USP8: variants seen among roughly 807,000 people sequenced by gnomAD.
The protein encoded by USP8 is ubiquitin specific peptidase 8.
Under a neutral mutation model 130.0 loss-of-function variants are expected in USP8, and 27 were observed. That is an observed-to-expected ratio of 0.21 (90% CI 0.15 to 0.29). The LOEUF is 0.29. Among genes scored for constraint, USP8 ranks in the 10% least tolerant of loss-of-function variants. USP8 has a pLI of 1.00. For missense variants in USP8, 1,029 were observed against 1,312.2 expected, an observed-to-expected ratio of 0.78 and a Z score of 3.33; for synonymous variants, 392 against 444.1, an observed-to-expected ratio of 0.88 and a Z score of 1.48.
At chr15:50,469,892 C>T (rs997380779) in intron 7 of USP8, among the ~76,000 whole-genome samples, 2 of 147,038 alleles carry the variant, frequency 1.4e-5, no homozygotes, top group African/African-American at 2.5e-5. Context: ...AGTGCAGTGG[C>T]GTGATCTCGG....
At chr15:50,450,121 C>T (rs182458685) in intron 4 of USP8, among the ~76,000 whole-genome samples, 9,652 of 151,376 alleles carry the variant, frequency 0.064, 416 homozygotes, top group African/African-American at 0.12. Context: ...TCTCGAGCTC[C>T]TGACCTCAAG....
intron 4 of USP8, among the ~76,000 whole-genome samples, chr15:50,458,744 TTAG>T (rs1214891634): frequency 3.3e-5 from 5 of 152,148 alleles, no homozygotes; most frequent in East Asian, 1.9e-4. Flanking sequence ...AAGGTTGAAA[TTAG>T]TAGGAGAGAA....
chr15:50,424,932 G>A (rs912794711), intron 1 of USP8, among the ~76,000 whole-genome samples: 2 of 151,232 alleles, frequency 1.3e-5, no homozygotes, highest in Non-Finnish European at 2.9e-5. Context: ...TTTTAGTGAA[G>A]TTTGAGTTTA....
At chr15:50,485,441 C>G (rs1216660453) in intron 12 of USP8, among the ~76,000 whole-genome samples, 1 of 137,956 alleles carries the variant, frequency 7.2e-6, no homozygotes, top group Non-Finnish European at 1.6e-5. Context: ...CAGAGTGAGA[C>G]TCCATTTCAA....
intron 7 of USP8, among the ~76,000 whole-genome samples, chr15:50,465,821 A>G (rs781529690): frequency 1.5e-4 from 23 of 152,212 alleles, no homozygotes; most frequent in Non-Finnish European, 3.2e-4. Flanking sequence ...AATAACTGTC[A>G]CTTACTAGTT....
intron 8 of USP8, among the ~76,000 whole-genome samples, chr15:50,476,055 G>A (rs1345248653): frequency 6.6e-6 from 1 of 152,094 alleles, no homozygotes; most frequent in African/African-American, 2.4e-5. Context: ...AGGATCTTTT[G>A]TGTTTATTTC....
At chr15:50,482,857 A>G (rs1010576020) in intron 11 of USP8, among the ~76,000 whole-genome samples, 3 of 152,198 alleles carry the variant, frequency 2.0e-5, no homozygotes, top group African/African-American at 2.4e-5. Flanking sequence ...CAGAATGTCA[A>G]TTTCTATACT....
rs984838722 is a variant in USP8, at chr15:50,510,466, T to C, written c.*11378T>C. 6.6e-5 allele frequency: 10 copies of C among 151,676 alleles called. No individual in the cohort carries two copies. Among genetic ancestry groups the C allele is most frequent in the South Asian group, 2.1e-4 (1 of 4,802 alleles). 9.4% of individuals were successfully genotyped at this position (151,676 alleles called of 1,614,324 possible). A position where few individuals can be genotyped will look rare whatever the true frequency, so the allele number is the denominator to read the frequency against. ...ATGGATTCTGGTCTTTGAAAAAAAA[T>C]GCTACTAAAAAAAAAAACCTTGTGA... is the stretch of plus-strand genomic sequence containing the variant. On this transcript the variant is annotated 3_prime_UTR_variant, in exon 20 of 20. Transcript: ENST00000307179.
At chr15:50,457,860 C>CAAAAA (rs200645587) in intron 4 of USP8, among the ~76,000 whole-genome samples, 2 of 85,912 alleles carry the variant, frequency 2.3e-5, no homozygotes, top group African/African-American at 4.2e-5. Context: ...GACTCTGTCT[C>CAAAAA]AAAAAAAAAA....
rs1034114390 is a variant in USP8 at position 50,436,973 on chromosome 15, A to G, written c.-65-2036A>G. 2.0e-5 allele frequency among the ~76,000 whole-genome samples: 3 copies of G among 151,530 alleles called. No homozygotes were observed. The South Asian group carries it at 6.3e-4, about 32-fold the overall frequency. ...GTGTGAGCCACCATGCCCAGCCCCA[A>G]TGTTCCAAGTCTTTTTTTTTTAAAT... On this transcript the variant is annotated intron_variant, in intron 1 of 19. Coordinates refer to ENST00000307179, the MANE Select transcript of USP8 (RefSeq NM_005154.5).
chr15:50,493,039 C>A (rs761941984), intron 15 of USP8, 126 bp downstream of exon 15: 1 of 1,020,722 alleles, frequency 9.8e-7, no homozygotes, highest in Admixed American at 1.9e-5. Flanking sequence ...TTGTAAAGAA[C>A]AAAAATTTAT....
chr15:50,498,756 T>G (rs1355902192), intron 19 of USP8, 28 bp downstream of exon 19: 1 of 1,576,436 alleles, frequency 6.3e-7, no homozygotes, highest in Admixed American at 1.9e-5. Flanking sequence ...CTGAAGACTT[T>G]TTGTTTCAAA....
At position 50,439,110 on chromosome 15, in the gene USP8, C is replaced by T; in HGVS notation, c.37C>T (p.Leu13Phe). ...AVASVPKELY[L>F]SSSLKDLNKK... ...GGCTTCAGTTCCTAAAGAACTCTAC[C>T]TCAGTTCTTCACTAAAAGACCTTAA... The change falls in exon 2 of 20, where the codon CTC becomes TTC. Residue 13 changes from leucine (L) to phenylalanine (F), a missense_variant. Leu to Phe is a conservative substitution (Grantham distance 22, BLOSUM62 0). This residue lies in a region of USP8 where 281 missense variants were observed against 336.7 expected (regional missense o/e 0.83). Transcript: ENST00000307179. The T allele has an allele frequency of 6.2e-7, 1 of 1,600,088 alleles. No individual in the cohort carries two copies. The highest frequency in any genetic ancestry group is 8.5e-7 in the Non-Finnish European group (1 of 1,175,984).
intron 8 of USP8, among the ~76,000 whole-genome samples, chr15:50,475,767 T>C (rs1410647319): frequency 6.6e-6 from 1 of 152,066 alleles, no homozygotes; most frequent in African/African-American, 2.4e-5. Flanking sequence ...CACGCCTGGC[T>C]AATTTTTGTA....
At chr15:50,464,700 T>C (rs914195447) in intron 6 of USP8, among the ~76,000 whole-genome samples, 1 of 151,986 alleles carries the variant, frequency 6.6e-6, no homozygotes, top group Non-Finnish European at 1.5e-5. Context: ...CTACTAAAAA[T>C]ACAAAAATTA....
At chr15:50,444,100 T>G (rs990730348) in intron 3 of USP8, among the ~76,000 whole-genome samples, 2 of 109,682 alleles carry the variant, frequency 1.8e-5, no homozygotes, top group African/African-American at 2.8e-5. Context: ...GTGGTAGGTT[T>G]TTTTTTTTTT....
rs1187167801 is a variant in USP8 at position 50,484,372 on chromosome 15, T to C, written c.1890+11T>C. On this transcript the variant is annotated intron_variant, in intron 12 of 19. Coordinates refer to ENST00000307179, the MANE Select transcript of USP8 (RefSeq NM_005154.5). ...ACCGAAAGAAATAAAGTAAGTAGTT[T>C]ATTGCAGGAAAAAACTGGAAAAAAA... is the stretch of plus-strand genomic sequence containing the variant. 6.2e-7 allele frequency: 1 copy of C among 1,603,574 alleles called. No individual in the cohort carries two copies. Among genetic ancestry groups the C allele is most frequent in the African/African-American group, 1.3e-5 (1 of 74,164 alleles).
intron 3 of USP8, 141 bp from the exon 4 acceptor site, chr15:50,449,259 G>C: frequency 2.3e-6 from 1 of 433,364 alleles, no homozygotes; most frequent in South Asian, 4.9e-5. Context: ...CATTTACATA[G>C]GTTAAAAGTT....
intron 8 of USP8, among the ~76,000 whole-genome samples, chr15:50,473,277 A>G (rs1422350981): frequency 6.6e-6 from 1 of 152,154 alleles, no homozygotes; most frequent in African/African-American, 2.4e-5. Flanking sequence ...TTTCTTACAT[A>G]AAATGGTATA....
Sources: gnomAD v4.1 joint callset for allele counts (sites outside exome capture counted in the v4.1 genomes callset) on GRCh38, gnomAD v4.1.1 for gene constraint, gnomAD v4.1.1 regional missense constraint, MANE v1.5 for transcripts, NCBI Gene and HGNC (gene_info 2026-07-23, HGNC 2026-07-21) for gene names.